The following LARGE1 variants were observed in gnomAD, a reference collection of about 807,000 sequenced individuals.
LARGE1 encodes the protein xylosyl- and glucuronyltransferase LARGE1.
LARGE1 carries 43 observed loss-of-function variants against 87.6 expected under a neutral mutation model. The observed-to-expected ratio is 0.49, with a 90% CI of 0.38 to 0.63. LARGE1 has a LOEUF of 0.63. Among genes scored for constraint, LARGE1 ranks in the 30% least tolerant of loss-of-function variants. The pLI is 0.00. For missense variants in LARGE1, 802 were observed against 1,000.2 expected (o/e 0.80, Z 2.67); for synonymous variants, 434 against 394.6 (o/e 1.10, Z -1.18).
chr22:33,464,731 A>G (rs2068518316), intron 6 of LARGE1, among the ~76,000 whole-genome samples: 1 of 152,212 alleles, frequency 6.6e-6, no homozygotes, highest in African/African-American at 2.4e-5. Context: ...GATGGGTGGC[A>G]ATAAGAACTC....
intron 6 of LARGE1, among the ~76,000 whole-genome samples, chr22:33,507,924 G>A (rs144175179): frequency 6.6e-6 from 1 of 152,252 alleles, no homozygotes; most frequent in Non-Finnish European, 1.5e-5. Context: ...TCACCTTCTG[G>A]AAGAGGGGGA....
intron 1 of LARGE1, among the ~76,000 whole-genome samples, chr22:33,811,715 T>C (rs1454777081): frequency 6.6e-6 from 1 of 152,172 alleles, no homozygotes; most frequent in Non-Finnish European, 1.5e-5. Context: ...AAACTTTTTC[T>C]AGAGGCAAGA....
rs544864458 is a variant in LARGE1 at position 33,891,312 on chromosome 22, C to G, written c.-83+28683G>C. The stretch of plus-strand genomic sequence containing the variant: ...GTCCAGAAATTCATTTCCTTACTGG[C>G]TATGACTTCCATATGGACATGGATG... On this transcript the variant is annotated intron_variant, in intron 1 of 14. Coordinates refer to ENST00000397394, the MANE Select transcript of LARGE1 (RefSeq NM_133642.5). 3.3e-5 allele frequency among the ~76,000 whole-genome samples: 5 copies of G among 152,296 alleles called. No individual in the cohort carries two copies. The South Asian group carries it at 1.0e-3, about 32-fold the overall frequency.
At chr22:33,513,084 C>T (rs531690858) in intron 6 of LARGE1, among the ~76,000 whole-genome samples, 2 of 152,062 alleles carry the variant, frequency 1.3e-5, no homozygotes, top group African/African-American at 4.8e-5. Context: ...TGGTGAGACA[C>T]AAGTGGAAGC....
At chr22:33,111,274 G>A in the LARGE1 span, among the ~76,000 whole-genome samples, 1 of 152,098 alleles carries the variant, frequency 6.6e-6, no homozygotes, top group Non-Finnish European at 1.5e-5. Flanking sequence ...CTTCCTTGGT[G>A]GATTTCCTTT....
chr22:33,729,462 T>C (rs1171720144), intron 2 of LARGE1, among the ~76,000 whole-genome samples: 1 of 152,210 alleles, frequency 6.6e-6, no homozygotes, highest in Non-Finnish European at 1.5e-5. Context: ...AGATGAGGAA[T>C]CAAATTTACT....
chr22:33,663,715 T>C (rs2081193270), intron 2 of LARGE1, among the ~76,000 whole-genome samples: 1 of 152,194 alleles, frequency 6.6e-6, no homozygotes. Flanking sequence ...TGAAATCTAC[T>C]GCACTTTATA....
intron 1 of LARGE1, among the ~76,000 whole-genome samples, chr22:33,876,729 G>A (rs2064479351): frequency 6.6e-6 from 1 of 151,866 alleles, no homozygotes; most frequent in Non-Finnish European, 1.5e-5. Flanking sequence ...TAGATGACGG[G>A]TCGACAGGTG....
At chr22:33,313,178 T>C (rs888250242) in intron 11 of LARGE1, among the ~76,000 whole-genome samples, 3 of 152,080 alleles carry the variant, frequency 2.0e-5, no homozygotes, top group Admixed American at 6.6e-5. Flanking sequence ...CACCTTACTA[T>C]TGTGTTCCCC....
At chr22:33,170,938 T>C (rs1438831689) in intron 11 of LARGE1, among the ~76,000 whole-genome samples, 1 of 152,178 alleles carries the variant, frequency 6.6e-6, no homozygotes, top group Admixed American at 6.5e-5. Context: ...GTTTGGAACT[T>C]CCTAGAGACT....
At chr22:33,625,214 T>G (rs2079883383) in intron 4 of LARGE1, among the ~76,000 whole-genome samples, 1 of 152,144 alleles carries the variant, frequency 6.6e-6, no homozygotes, top group African/African-American at 2.4e-5. Flanking sequence ...TCCAAACCCT[T>G]GGCAAGAGTG....
At chr22:33,640,979 G>A (rs1005064627) in intron 3 of LARGE1, among the ~76,000 whole-genome samples, 1 of 152,196 alleles carries the variant, frequency 6.6e-6, no homozygotes, top group East Asian at 1.9e-4. Flanking sequence ...AAAGGTGGCT[G>A]TGGGCACAGC....
rs368428266 is a variant in LARGE1 at position 33,788,609 on chromosome 22, C to T, written c.-82-27051G>A. 2.4e-4 allele frequency among the ~76,000 whole-genome samples: 37 copies of T among 152,224 alleles called. 3 individuals are homozygous for T. The highest frequency in any genetic ancestry group is 8.7e-4 in the African/African-American group (36 of 41,538). On this transcript the variant is annotated intron_variant, in intron 1 of 14. Coordinates refer to ENST00000397394, the MANE Select transcript of LARGE1 (RefSeq NM_133642.5). ...CTGACAGTGATATGGACAATGAAGTCCAGGTTAAGGTGGTCTCAGATGGAG... is the reference window on the plus strand; with the variant it reads ...CTGACAGTGATATGGACAATGAAGTTCAGGTTAAGGTGGTCTCAGATGGAG...
chr22:33,876,362 G>A (rs1430500169), intron 1 of LARGE1, among the ~76,000 whole-genome samples: 1 of 151,924 alleles, frequency 6.6e-6, no homozygotes, highest in African/African-American at 2.4e-5. Context: ...AGACACAGGG[G>A]GCAGTGATGG....
At chr22:33,497,056 A>ATT (rs1358301858) in intron 6 of LARGE1, among the ~76,000 whole-genome samples, 1 of 142,930 alleles carries the variant, frequency 7.0e-6, no homozygotes, top group Non-Finnish European at 1.5e-5. Context: ...TAGTTCTGCT[A>ATT]TTTTCTTTTC....
chr22:33,522,711 A>T (rs1036859744), intron 6 of LARGE1, among the ~76,000 whole-genome samples: 1 of 152,026 alleles, frequency 6.6e-6, no homozygotes, highest in Non-Finnish European at 1.5e-5. Context: ...TGCACCTGCA[A>T]TCCTAGCTAC....
intron 1 of LARGE1, among the ~76,000 whole-genome samples, chr22:33,905,742 A>C (rs2065427225): frequency 6.6e-6 from 1 of 152,212 alleles, no homozygotes; most frequent in African/African-American, 2.4e-5. Flanking sequence ...AATTTCAAAT[A>C]GTCCCTTTGT....
chr22:33,389,510 G>C (rs966504632), intron 7 of LARGE1, among the ~76,000 whole-genome samples: 2 of 152,210 alleles, frequency 1.3e-5, no homozygotes, highest in Non-Finnish European at 2.9e-5. Context: ...GCCAGACAAG[G>C]ATGTAGAGCA....
At chr22:33,387,196 G>A (rs1601662714) in intron 7 of LARGE1, among the ~76,000 whole-genome samples, 3 of 148,422 alleles carry the variant, frequency 2.0e-5, no homozygotes, top group Admixed American at 6.7e-5. Context: ...AGGCCAAGGT[G>A]CACAGATCAT....
Sources: gnomAD v4.1 joint callset for allele counts (sites outside exome capture counted in the v4.1 genomes callset) on GRCh38, gnomAD v4.1.1 for gene constraint, MANE v1.5 for transcripts, NCBI Gene and HGNC (gene_info 2026-07-23, HGNC 2026-07-21) for gene names.